The following DPYD variants were observed in gnomAD, a reference collection of about 807,000 sequenced individuals.
DPYD encodes the protein dihydropyrimidine dehydrogenase [NADP(+)].
In DPYD, 109 loss-of-function variants were observed where a neutral mutation model predicts 116.2. The observed-to-expected ratio is 0.94, with a 90% CI of 0.80 to 1.10. DPYD has a LOEUF of 1.10. Among genes scored for constraint, DPYD ranks in the 50% least tolerant of loss-of-function variants. DPYD has a pLI of 0.00. For missense variants in DPYD, 1,302 were observed against 1,254.5 expected, an observed-to-expected ratio of 1.04 and a Z score of -0.57; for synonymous variants, 440 against 432.0, an observed-to-expected ratio of 1.02 and a Z score of -0.23.
intron 11 of DPYD, among the ~76,000 whole-genome samples, chr1:97,554,136 C>A (rs1651518512): frequency 6.6e-6 from 1 of 152,006 alleles, no homozygotes; most frequent in Admixed American, 6.6e-5. Context: ...CTTCAATAAG[C>A]CACAGCTTAA....
At chr1:97,608,723 C>A (rs190326382) in intron 8 of DPYD, among the ~76,000 whole-genome samples, 20 of 151,356 alleles carry the variant, frequency 1.3e-4, no homozygotes, top group Admixed American at 7.3e-4. Flanking sequence ...TTAATTGGAG[C>A]ACATTAAAAT....
Position 97,573,847 on chromosome 1 carries a change from T to C in DPYD, c.1252A>G (p.Lys418Glu). 6.2e-7 allele frequency: 1 copy of C among 1,613,750 alleles called. No individual in the cohort carries two copies. Among genetic ancestry groups the C allele is most frequent in the Non-Finnish European group, 8.5e-7 (1 of 1,179,726 alleles). Reference protein sequence around the residue: ...FVRTEQDETGKWNEDEDQMVH... With the variant: ...FVRTEQDETGEWNEDEDQMVH... ...ATCTGATCTTCATCTTCATTCCATT[T>C]TCCAGTTTCATCTTGCTCTGTCCGA... is the stretch of plus-strand genomic sequence containing the variant. Residue 418 changes from lysine (K) to glutamate (E), a missense_variant, in exon 11 of 23, where the codon AAA becomes GAA. Physicochemically the swap from Lys to Glu is moderately conservative, Grantham distance 56. Coordinates refer to ENST00000370192, the MANE Select transcript of DPYD (RefSeq NM_000110.4).
intron 2 of DPYD, 76 bp from the exon 3 acceptor site, chr1:97,828,272 G>A: frequency 3.7e-6 from 5 of 1,336,364 alleles, no homozygotes; most frequent in South Asian, 2.4e-5. Context: ...ATGCAAAAAT[G>A]TAATTGATTA....
intron 10 of DPYD, among the ~76,000 whole-genome samples, chr1:97,583,195 TC>T (rs1170038776): frequency 6.6e-6 from 1 of 152,160 alleles, no homozygotes; most frequent in East Asian, 1.9e-4. Flanking sequence ...GGTCTCGAGC[TC>T]CTGACCTCGT....
chr1:97,659,496 A>G (rs1659130965), intron 8 of DPYD, among the ~76,000 whole-genome samples: 1 of 152,192 alleles, frequency 6.6e-6, no homozygotes, highest in South Asian at 2.1e-4. Context: ...GTTTAAAAAT[A>G]TCAATCCATA....
chr1:97,546,834 G>A lies in DPYD; in HGVS notation c.1524+2726C>T. ...AACCATTGAAGTTGGAAGTTCATGA[G>A]GCCAAGCCTGTGCCAGAAAATCACC... On this transcript the variant is annotated intron_variant, in intron 12 of 22. Transcript: ENST00000370192. The A allele has an allele frequency of 2.5e-6, 4 of 1,612,226 alleles. No homozygotes were observed. The South Asian group carries it at 3.3e-5, about 13-fold the overall frequency.
intron 16 of DPYD, among the ~76,000 whole-genome samples, chr1:97,323,637 AT>A (rs1232843097): frequency 1.7e-5 from 1 of 58,790 alleles, no homozygotes; most frequent in Non-Finnish European, 4.1e-5. Flanking sequence ...TCATATATAC[AT>A]ATATGTGTAT....
intron 13 of DPYD, among the ~76,000 whole-genome samples, chr1:97,483,149 T>C (rs1678415920): frequency 6.6e-6 from 1 of 152,194 alleles, no homozygotes; most frequent in African/African-American, 2.4e-5. Flanking sequence ...TTGCTCTGTT[T>C]CCGGAGAAAT....
chr1:97,920,548 C>G (rs370634807), intron 1 of DPYD, among the ~76,000 whole-genome samples: 14 of 152,150 alleles, frequency 9.2e-5, no homozygotes, highest in South Asian at 4.1e-4. Context: ...ACTCCTACCC[C>G]CTAGAGTCCA....
chr1:97,206,672 ATATATATATATAT>A lies in DPYD; in HGVS notation c.2443-13437_2443-13425del, dbSNP rs1659643688. 1.9e-5 allele frequency among the ~76,000 whole-genome samples: 2 copies of A among 103,224 alleles called. 1 individual carries two copies. The highest frequency in any genetic ancestry group is 6.0e-4 in the East Asian group (2 of 3,332). The allele number at this position is 103,224 out of a possible 152,430, so 67.7% of individuals were successfully genotyped here. On this transcript the variant is annotated intron_variant, in intron 19 of 22. Coordinates refer to ENST00000370192, the MANE Select transcript of DPYD (RefSeq NM_000110.4). ...TATATATATATATATATATATATATATATATATATATATATAATCTATATGCTTATAATGCATA... is the reference window on the plus strand; with the variant it reads ...TATATATATATATATATATATATATAATAATCTATATGCTTATAATGCATA...
intron 3 of DPYD, among the ~76,000 whole-genome samples, chr1:97,781,599 TC>T (rs1246473132): frequency 2.0e-4 from 30 of 152,154 alleles, no homozygotes; most frequent in African/African-American, 7.0e-4. Context: ...CTGAATCACA[TC>T]CTAAATGTAT....
At chr1:97,717,923 T>C (rs572999943) in intron 5 of DPYD, among the ~76,000 whole-genome samples, 10 of 152,078 alleles carry the variant, frequency 6.6e-5, no homozygotes, top group African/African-American at 2.4e-4. Context: ...TGTGTTGCTA[T>C]AAACATGTGT....
intron 16 of DPYD, among the ~76,000 whole-genome samples, chr1:97,309,935 T>C (rs1351678453): frequency 1.3e-5 from 2 of 151,760 alleles, no homozygotes; most frequent in African/African-American, 2.4e-5. Flanking sequence ...GACCTCTTCA[T>C]TGTAGAGCAG....
At chr1:97,496,895 A>G (rs964451540) in intron 13 of DPYD, among the ~76,000 whole-genome samples, 12 of 151,986 alleles carry the variant, frequency 7.9e-5, no homozygotes, top group Admixed American at 2.0e-4. Context: ...TACACAGAGT[A>G]TAAAATACTA....
chr1:97,504,672 A>G (rs917337198), intron 13 of DPYD, among the ~76,000 whole-genome samples: 8 of 152,082 alleles, frequency 5.3e-5, no homozygotes, highest in African/African-American at 1.9e-4. Context: ...GGAATATTAT[A>G]GCTGTACAAA....
chr1:97,515,340 AG>A (rs1431736143), intron 13 of DPYD, among the ~76,000 whole-genome samples: 1 of 151,984 alleles, frequency 6.6e-6, no homozygotes, highest in African/African-American at 2.4e-5. Context: ...AGTTACACTG[AG>A]ATTCTTTTCA....
intron 20 of DPYD, among the ~76,000 whole-genome samples, chr1:97,157,199 T>C (rs1196615402): frequency 6.6e-6 from 1 of 151,728 alleles, no homozygotes; most frequent in East Asian, 1.9e-4. Context: ...CACACCAGCA[T>C]GGCACATGTA....
chr1:97,587,697 G>A (rs545156716), intron 10 of DPYD, among the ~76,000 whole-genome samples: 1 of 151,604 alleles, frequency 6.6e-6, no homozygotes, highest in Non-Finnish European at 1.5e-5. Context: ...CATGGTGGTG[G>A]GCGCCTGTAG....
chr1:97,524,403 C>T (rs567835206), intron 12 of DPYD, among the ~76,000 whole-genome samples: 1 of 152,218 alleles, frequency 6.6e-6, no homozygotes, highest in East Asian at 1.9e-4. Context: ...TTTCCAAGCC[C>T]TAATTCCATG....
Sources: allele counts gnomAD v4.1 joint callset (sites outside exome capture counted in the v4.1 genomes callset), GRCh38; gene constraint gnomAD v4.1.1; transcripts MANE v1.5; gene names NCBI Gene and HGNC (gene_info 2026-07-23, HGNC 2026-07-21).